Variants in SMCHD1 observed in about 807,000 individuals in gnomAD.
SMCHD1 encodes the protein structural maintenance of chromosomes flexible hinge domain containing 1.
A neutral mutation model predicts 254.7 loss-of-function variants in SMCHD1; 78 were observed. The ratio of observed to expected loss-of-function variants is 0.31; its 90% CI spans 0.26 to 0.37. The LOEUF is 0.37. Ranked by LOEUF, SMCHD1 falls within the 10% of genes least tolerant of loss-of-function variation. The pLI, the probability that SMCHD1 is intolerant of heterozygous loss-of-function variation, is 1.00. For missense variants in SMCHD1, 1,840 were observed against 2,408.1 expected (o/e 0.76, Z 4.94); for synonymous variants, 766 against 794.9 (o/e 0.96, Z 0.61).
intron 17 of SMCHD1, among the ~76,000 whole-genome samples, chr18:2,712,647 C>T (rs1373233066): frequency 6.6e-6 from 1 of 152,198 alleles, no homozygotes; most frequent in Non-Finnish European, 1.5e-5. Context: ...CAAGGGACAA[C>T]TGTATATCTT....
intron 3 of SMCHD1, among the ~76,000 whole-genome samples, chr18:2,671,889 C>A (rs1409299695): frequency 6.6e-6 from 1 of 152,012 alleles, no homozygotes. Flanking sequence ...TGAGCCACCG[C>A]GCCTGGCCTT....
intron 35 of SMCHD1, 51 bp from the exon 36 acceptor site, chr18:2,762,054 T>C: frequency 6.6e-7 from 1 of 1,510,694 alleles, no homozygotes; most frequent in Non-Finnish European, 9.1e-7. Context: ...TCCTCTTAAA[T>C]GCTAAAGCAT....
chr18:2,777,618 T>C (rs541897902), intron 42 of SMCHD1, among the ~76,000 whole-genome samples, 188 bp from the exon 43 acceptor site: 21 of 152,382 alleles, frequency 1.4e-4, no homozygotes, highest in African/African-American at 5.0e-4. Flanking sequence ...AGATTTTTTA[T>C]ATGGTCAATA....
intron 5 of SMCHD1, among the ~76,000 whole-genome samples, chr18:2,676,008 A>T (rs994723174): frequency 3.9e-5 from 6 of 152,204 alleles, no homozygotes; most frequent in African/African-American, 9.7e-5. Flanking sequence ...TAAGTCCATT[A>T]TCAGTTCCTT....
intron 5 of SMCHD1, among the ~76,000 whole-genome samples, chr18:2,681,169 T>A (rs2073913962): frequency 6.6e-6 from 1 of 151,944 alleles, no homozygotes; most frequent in Admixed American, 6.6e-5. Flanking sequence ...TCCCAGCACT[T>A]TGGGAGGCTG....
chr18:2,655,934 C>A lies in SMCHD1; in HGVS notation c.-142C>A. ...CGCGCCTGCCGCTGCTCGGCCGCCG[C>A]CGCTGACGAGGAGCTGCAGCGCGCC... On this transcript the variant is annotated 5_prime_UTR_variant, in exon 1 of 48. Transcript: ENST00000320876. 1 of 559,694 alleles carries A rather than the reference C, an allele frequency of 1.8e-6. No individual in the cohort carries two copies. The highest frequency in any genetic ancestry group is 2.0e-5 in the African/African-American group (1 of 51,272). The allele number at this position is 559,694 out of a possible 1,614,324, so 34.7% of individuals were successfully genotyped here. A position where few individuals can be genotyped will look rare whatever the true frequency, so the allele number is the denominator to read the frequency against.
chr18:2,728,981 TG>T (rs1366354632), intron 23 of SMCHD1, among the ~76,000 whole-genome samples: 31 of 146,136 alleles, frequency 2.1e-4, no homozygotes, highest in Admixed American at 2.1e-3. Flanking sequence ...GATGACTAAA[TG>T]AAGGTAGGTA....
At chr18:2,802,299 A>G (rs1407460843) in intron 47 of SMCHD1, among the ~76,000 whole-genome samples, 1 of 152,154 alleles carries the variant, frequency 6.6e-6, no homozygotes, top group Admixed American at 6.5e-5. Context: ...AATTACTTAT[A>G]TATGTTATAT....
At chr18:2,744,060 C>CA in intron 29 of SMCHD1, 132 bp downstream of exon 29, 2 of 704,582 alleles carry the variant, frequency 2.8e-6, no homozygotes, top group Non-Finnish European at 4.4e-6. Context: ...GTAAAAATAA[C>CA]AAAAAAGCAA....
At chr18:2,672,495 T>A (rs972072448) in intron 3 of SMCHD1, among the ~76,000 whole-genome samples, 2 of 152,366 alleles carry the variant, frequency 1.3e-5, no homozygotes, top group Non-Finnish European at 2.9e-5. Flanking sequence ...CCCAAAGTGT[T>A]GAGATTACAG....
rs1044719528 is a variant in SMCHD1 at position 2,785,066 on chromosome 18, A to G, written c.5719+445A>G. 27 of 298,008 alleles carry G rather than the reference A, an allele frequency of 9.1e-5. No homozygotes were observed. The Admixed American group carries it at 1.2e-3, about 13-fold the overall frequency. 18.5% of individuals were successfully genotyped at this position (298,008 alleles called of 1,614,324 possible). On this transcript the variant is annotated intron_variant, in intron 45 of 47. Transcript: ENST00000320876. ...CTATCTAGAACAATTAAGGCTTATT[A>G]GAAAGTGTATGACATGTGATCTCCT...
At position 2,688,469 on chromosome 18, in the gene SMCHD1, G is replaced by C. The variant is rs1235337198; in HGVS notation, c.714G>C (p.Gly238=). 6.2e-7 allele frequency: 1 copy of C among 1,613,836 alleles called. No individual in the cohort carries two copies. Among genetic ancestry groups the C allele is most frequent in the Admixed American group, 1.7e-5 (1 of 60,020 alleles). ...LNSDISYFGV[G]GKQAVFFVGQ... ...GTGATATTTCCTATTTTGGTGTTGG[G>C]GGCAAGCAAGCTGTCTTCTTTGTTG... The change falls in exon 6 of 48, where the codon GGG becomes GGC. Residue 238 remains glycine, a synonymous_variant. Coordinates refer to ENST00000320876, the MANE Select transcript of SMCHD1 (RefSeq NM_015295.3).
At chr18:2,776,896 A>G (rs2076074801) in intron 42 of SMCHD1, among the ~76,000 whole-genome samples, 1 of 152,042 alleles carries the variant, frequency 6.6e-6, no homozygotes, top group Non-Finnish European at 1.5e-5. Context: ...GATAAGGGTA[A>G]TACTTTTTCT....
chr18:2,707,786 C>G, intron 16 of SMCHD1, 21 bp from the exon 17 acceptor site: 1 of 1,569,690 alleles, frequency 6.4e-7, no homozygotes, highest in Non-Finnish European at 8.7e-7. Context: ...AATTAAGATA[C>G]TTTTAATTTT....
intron 17 of SMCHD1, among the ~76,000 whole-genome samples, chr18:2,709,570 T>C (rs1292844345): frequency 1.3e-5 from 2 of 152,150 alleles, no homozygotes; most frequent in Non-Finnish European, 2.9e-5. Context: ...ATAATAGCCA[T>C]CCTAACAGAT....
intron 7 of SMCHD1, among the ~76,000 whole-genome samples, chr18:2,693,533 C>A (rs2074223940): frequency 6.6e-6 from 1 of 152,308 alleles, no homozygotes; most frequent in Non-Finnish European, 1.5e-5. Flanking sequence ...TCTTATGGGA[C>A]CACTGCAGTC....
In SMCHD1 at chr18:2,732,314, G is replaced by A; in HGVS notation, c.3098G>A (p.Ser1033Asn). The A allele has an allele frequency of 6.2e-7, 1 of 1,613,778 alleles. No individual in the cohort carries two copies. Among genetic ancestry groups the A allele is most frequent in the Non-Finnish European group, 8.5e-7 (1 of 1,179,804 alleles). ...GAGAAGACTATTAAGTTGCTTCCCA[G>A]TAGCCATGTTGCAAGACTACAAATA... is the stretch of plus-strand genomic sequence containing the variant. The part of the protein sequence containing the change: ...PVEKTIKLLP[S>N]SHVARLQIFS... Residue 1033 changes from serine (S) to asparagine (N), a missense_variant, in exon 25 of 48, where the codon AGT becomes AAT. By Grantham distance (46) the Ser-to-Asn change is conservative (BLOSUM62 1). Around this residue, in one of 9 missense-constraint regions of SMCHD1, gnomAD observed 881 missense variants for 1,009.5 expected, o/e 0.87. Coordinates refer to ENST00000320876, the MANE Select transcript of SMCHD1 (RefSeq NM_015295.3).
At chr18:2,773,658 AC>A (rs1308270537) in intron 41 of SMCHD1, among the ~76,000 whole-genome samples, 1 of 152,174 alleles carries the variant, frequency 6.6e-6, no homozygotes, top group Non-Finnish European at 1.5e-5. Flanking sequence ...GCGTTGGCTC[AC>A]ACCTGTAATC....
rs1475165767 is a variant in SMCHD1, at chr18:2,677,639, G to GT, written c.638+3500dup. On this transcript the variant is annotated intron_variant, in intron 5 of 47. Coordinates refer to ENST00000320876, the MANE Select transcript of SMCHD1 (RefSeq NM_015295.3). Reference sequence around the variant, plus strand: ...CCTTTTAATAGTTTTGTTTTGTTTTGTTTTTTGAGACAAATCTCGCTCTGT... The same window carrying GT: ...CCTTTTAATAGTTTTGTTTTGTTTTGTTTTTTTGAGACAAATCTCGCTCTGT... Among the ~76,000 whole-genome samples the GT allele has an allele frequency of 5.3e-5, 8 of 152,166 alleles. 1 individual carries two copies. Among genetic ancestry groups the GT allele is most frequent in the South Asian group, 4.2e-4 (2 of 4,818 alleles).
Sources: gnomAD v4.1 joint callset for allele counts (sites outside exome capture counted in the v4.1 genomes callset) on GRCh38, gnomAD v4.1.1 for gene constraint, gnomAD v4.1.1 regional missense constraint, MANE v1.5 for transcripts, NCBI Gene and HGNC (gene_info 2026-07-23, HGNC 2026-07-21) for gene names.